The following LHFPL3 variants were observed in gnomAD, a reference collection of about 807,000 sequenced individuals.
LHFPL3 encodes LHFPL tetraspan subfamily member 3 protein.
Under a neutral mutation model 19.3 loss-of-function variants are expected in LHFPL3, and 5 were observed. The ratio of observed to expected loss-of-function variants is 0.26; its 90% CI spans 0.14 to 0.54. The LOEUF is 0.54. Among genes scored for constraint, LHFPL3 ranks in the 20% least tolerant of loss-of-function variants. The pLI is 0.94. For synonymous variants in LHFPL3, 133 were observed against 126.2 expected, an observed-to-expected ratio of 1.05 and a Z score of -0.36; for missense variants, 249 against 307.4, an observed-to-expected ratio of 0.81 and a Z score of 1.42.
chr7:104,558,669 A>G (rs1196290376), intron 1 of LHFPL3, among the ~76,000 whole-genome samples: 7 of 150,636 alleles, frequency 4.6e-5, no homozygotes, highest in African/African-American at 1.7e-4. Flanking sequence ...GCTGTGCAGA[A>G]GCTCTTTAGT....
intron 2 of LHFPL3, among the ~76,000 whole-genome samples, chr7:104,809,782 T>A (rs529561883): frequency 1.1e-4 from 16 of 152,070 alleles, no homozygotes; most frequent in African/African-American, 2.9e-4. Context: ...CTGGATTGAG[T>A]GTTAGCCATT....
chr7:104,359,136 A>G (rs1398825768), intron 1 of LHFPL3, among the ~76,000 whole-genome samples: 1 of 152,200 alleles, frequency 6.6e-6, no homozygotes, highest in Non-Finnish European at 1.5e-5. Context: ...ATTTACGCCT[A>G]TGCTTCTTCC....
At chr7:104,648,491 C>T (rs1037037906) in intron 1 of LHFPL3, among the ~76,000 whole-genome samples, 1 of 152,142 alleles carries the variant, frequency 6.6e-6, no homozygotes. Flanking sequence ...AATCAAGAAA[C>T]TGTGGTATTA....
At chr7:104,844,559 T>C (rs886531854) in intron 2 of LHFPL3, among the ~76,000 whole-genome samples, 2 of 152,254 alleles carry the variant, frequency 1.3e-5, no homozygotes, top group Admixed American at 6.5e-5. Context: ...ATTTTTCTTA[T>C]TGAGCATCTA....
At chr7:104,833,353 TATATAATAGG>T (rs1791024708) in intron 2 of LHFPL3, among the ~76,000 whole-genome samples, 1 of 8,588 alleles carries the variant, frequency 1.2e-4, no homozygotes, top group African/African-American at 5.1e-4. Flanking sequence ...ATATATTATA[TATATAATAGG>T]ATATATATAT....
intron 1 of LHFPL3, among the ~76,000 whole-genome samples, chr7:104,397,654 T>G (rs1004323460): frequency 6.6e-6 from 1 of 152,140 alleles, no homozygotes; most frequent in Non-Finnish European, 1.5e-5. Context: ...GAGGGACATT[T>G]CTTACTCTCC....
At chr7:104,456,531 T>C (rs904996038) in intron 1 of LHFPL3, among the ~76,000 whole-genome samples, 1 of 152,172 alleles carries the variant, frequency 6.6e-6, no homozygotes, top group African/African-American at 2.4e-5. Context: ...TTTCTACAGT[T>C]ACATGGATGG....
chr7:104,366,986 G>T (rs566905382), intron 1 of LHFPL3, among the ~76,000 whole-genome samples: 1 of 152,226 alleles, frequency 6.6e-6, no homozygotes, highest in East Asian at 1.9e-4. Flanking sequence ...TAATTATATA[G>T]TTATGATAAT....
intron 1 of LHFPL3, among the ~76,000 whole-genome samples, chr7:104,614,898 G>A (rs1329625126): frequency 3.3e-5 from 5 of 151,422 alleles, no homozygotes; most frequent in South Asian, 2.1e-4. Context: ...CCACAGACAC[G>A]TGCTACAGTG....
At chr7:104,836,313 G>A (rs1016625053) in intron 2 of LHFPL3, among the ~76,000 whole-genome samples, 9 of 152,130 alleles carry the variant, frequency 5.9e-5, no homozygotes, top group Admixed American at 3.9e-4. Flanking sequence ...TAACTGTGAT[G>A]GGAGCCACTG....
intron 2 of LHFPL3, among the ~76,000 whole-genome samples, chr7:104,743,165 T>C (rs1161422425): frequency 6.6e-6 from 1 of 152,086 alleles, no homozygotes; most frequent in Non-Finnish European, 1.5e-5. Flanking sequence ...GAAGGGGCTC[T>C]AGGATGCCCT....
intron 1 of LHFPL3, among the ~76,000 whole-genome samples, chr7:104,621,949 A>C (rs1177171057): frequency 6.6e-6 from 1 of 152,168 alleles, no homozygotes; most frequent in East Asian, 1.9e-4. Flanking sequence ...CACCTACCAA[A>C]AAACATTCTT....
chr7:104,678,476 G>A (rs973819840), intron 1 of LHFPL3, among the ~76,000 whole-genome samples: 2 of 152,096 alleles, frequency 1.3e-5, no homozygotes, highest in Non-Finnish European at 2.9e-5. Context: ...CTGGTACCTC[G>A]TTTTGTGGCT....
rs1433469553 is a variant in LHFPL3, at chr7:104,399,800, T to C, written c.445+70576T>C. 6.6e-6 allele frequency among the ~76,000 whole-genome samples: 1 copy of C among 151,760 alleles called. No homozygotes were observed. Among genetic ancestry groups the C allele is most frequent in the African/African-American group, 2.4e-5 (1 of 41,318 alleles). Reference sequence around the variant, plus strand: ...TGTTCTTCTGTCCTTAAGGTAATTATGTTACCATGGAAGTGGCCCCAAAGA... The same window carrying C: ...TGTTCTTCTGTCCTTAAGGTAATTACGTTACCATGGAAGTGGCCCCAAAGA... On this transcript the variant is annotated intron_variant, in intron 1 of 2. Transcript: ENST00000424859. The surrounding 1 kb of genome is among the most constrained non-coding windows in gnomAD (Gnocchi z 4.4).
chr7:104,512,990 T>G (rs960102224), intron 1 of LHFPL3, among the ~76,000 whole-genome samples: 2 of 152,162 alleles, frequency 1.3e-5, no homozygotes, highest in Admixed American at 1.3e-4. Flanking sequence ...TAATTTGACA[T>G]CTATGGATAT....
At chr7:104,610,262 T>C (rs1791187283) in intron 1 of LHFPL3, among the ~76,000 whole-genome samples, 1 of 152,128 alleles carries the variant, frequency 6.6e-6, no homozygotes, top group African/African-American at 2.4e-5. Flanking sequence ...TTTTTTTAAT[T>C]GACTAAAGCA....
intron 1 of LHFPL3, among the ~76,000 whole-genome samples, chr7:104,370,559 A>C (rs1445748624): frequency 6.6e-6 from 1 of 152,174 alleles, no homozygotes; most frequent in African/African-American, 2.4e-5. Flanking sequence ...TAACGTGCAC[A>C]GGTAGGTGCT....
chr7:104,791,781 G>C (rs1191265276), intron 2 of LHFPL3, among the ~76,000 whole-genome samples: 2 of 152,118 alleles, frequency 1.3e-5, no homozygotes, highest in African/African-American at 4.8e-5. Context: ...TCCCCCAGGG[G>C]TGCAGGGTCT....
At chr7:104,422,099 G>A (rs531705628) in intron 1 of LHFPL3, among the ~76,000 whole-genome samples, 5 of 152,300 alleles carry the variant, frequency 3.3e-5, no homozygotes, top group East Asian at 1.9e-4. Context: ...AGTGGCTCAC[G>A]CCTGTAATCC....
Sources: allele counts gnomAD v4.1 joint callset (sites outside exome capture counted in the v4.1 genomes callset), GRCh38; gene constraint gnomAD v4.1.1; non-coding constraint Gnocchi (gnomAD v3.1); transcripts MANE v1.5; gene names NCBI Gene and HGNC (gene_info 2026-07-23, HGNC 2026-07-21).